Variants in SLC25A26 observed in about 807,000 individuals in gnomAD.
The protein encoded by SLC25A26 is mitochondrial S-adenosylmethionine carrier protein.
Under a neutral mutation model 37.8 loss-of-function variants are expected in SLC25A26, and 36 were observed. The observed-to-expected ratio is 0.95, with a 90% CI of 0.73 to 1.26. SLC25A26 has a LOEUF of 1.26. SLC25A26 is among the 50% of genes most tolerant of loss of function. The pLI, the probability that SLC25A26 is intolerant of heterozygous loss-of-function variation, is 0.00. For synonymous variants in SLC25A26, 129 were observed against 122.5 expected, an observed-to-expected ratio of 1.05 and a Z score of -0.35; for missense variants, 390 against 331.1, an observed-to-expected ratio of 1.18 and a Z score of -1.38.
At chr3:66,276,885 C>T (rs776406742) in intron 5 of SLC25A26, among the ~76,000 whole-genome samples, 12 of 144,508 alleles carry the variant, frequency 8.3e-5, no homozygotes, top group Non-Finnish European at 1.6e-4. Flanking sequence ...AGAGGGCGCA[C>T]AATGCCTGTA....
chr3:66,294,533 T>C (rs943117346), intron 5 of SLC25A26, among the ~76,000 whole-genome samples: 5 of 152,218 alleles, frequency 3.3e-5, no homozygotes, highest in African/African-American at 1.2e-4. Context: ...AATCATGTAG[T>C]ATTTGTTTAT....
chr3:66,350,300 C>T (rs1471031475), intron 6 of SLC25A26, among the ~76,000 whole-genome samples: 1 of 152,202 alleles, frequency 6.6e-6, no homozygotes, highest in African/African-American at 2.4e-5. Flanking sequence ...CATCATCTTT[C>T]TTGTAAAATC....
intron 5 of SLC25A26, 28 bp from the exon 6 acceptor site, chr3:66,346,336 T>G: frequency 1.5e-6 from 2 of 1,374,138 alleles, no homozygotes; most frequent in South Asian, 1.4e-5. Flanking sequence ...TTTGCCTAAT[T>G]TATTTAATTT....
At chr3:66,277,392 T>A (rs1397691501) in intron 5 of SLC25A26, among the ~76,000 whole-genome samples, 1 of 151,902 alleles carries the variant, frequency 6.6e-6, no homozygotes, top group Non-Finnish European at 1.5e-5. Flanking sequence ...GAAAGTAAAA[T>A]TCATAGAAGC....
rs115886071 is a variant in SLC25A26, at chr3:66,356,785, G to A, written c.499-6075G>A. Among the ~76,000 whole-genome samples, 745 of 152,150 alleles carry A rather than the reference G, an allele frequency of 4.9e-3. 10 individuals are homozygous for A. Among genetic ancestry groups the A allele is most frequent in the African/African-American group, 0.017 (697 of 41,490 alleles). On this transcript the variant is annotated intron_variant, in intron 6 of 9. Transcript: ENST00000354883. ...CTGGGACTCAGGGGTGTGCCAACAC[G>A]TCTGGCTAATTTTTAAATTTTTTTG...
At chr3:66,254,978 T>TG (rs2073243904) in intron 3 of SLC25A26, among the ~76,000 whole-genome samples, 1 of 152,152 alleles carries the variant, frequency 6.6e-6, no homozygotes, top group South Asian at 2.1e-4. Flanking sequence ...ACCCTGGTGG[T>TG]GATGTGTTGA....
intron 1 of SLC25A26, among the ~76,000 whole-genome samples, chr3:66,193,702 T>C: frequency 6.6e-6 from 1 of 152,258 alleles, no homozygotes; most frequent in Non-Finnish European, 1.5e-5. Flanking sequence ...AAAGAACTTT[T>C]AGATGCTTTG....
chr3:66,256,093 C>T (rs73833430), intron 3 of SLC25A26, among the ~76,000 whole-genome samples: 60 of 152,306 alleles, frequency 3.9e-4, no homozygotes, highest in African/African-American at 1.2e-3. Flanking sequence ...ATATTGGGGT[C>T]GGATTTCACT....
chr3:66,245,104 CTT>C (rs1378617826), intron 3 of SLC25A26, among the ~76,000 whole-genome samples: 1 of 151,932 alleles, frequency 6.6e-6, no homozygotes, highest in Non-Finnish European at 1.5e-5. Context: ...ATGGGGGTCT[CTT>C]TATGTTTTCC....
In SLC25A26 at chr3:66,209,040, G is replaced by GTATA. The variant is rs1172568131; in HGVS notation, c.-353-11679_-353-11676dup. On this transcript the variant is annotated intron_variant, in intron 1 of 10. Coordinates refer to the SLC25A26 transcript ENST00000676754. ...TATATATACACACCCATATAAAGGT[G>GTATA]TATATATATATATATATATATATAT... Among the ~76,000 whole-genome samples the GTATA allele has an allele frequency of 9.4e-3, 313 of 33,472 alleles. 7 individuals are homozygous for GTATA. Among genetic ancestry groups the GTATA allele is most frequent in the African/African-American group, 0.027 (288 of 10,844 alleles). 22.0% of individuals were successfully genotyped at this position (33,472 alleles called of 152,430 possible).
intron 3 of SLC25A26, chr3:66,261,508 A>C (rs1466440176): frequency 6.5e-6 from 1 of 152,842 alleles, no homozygotes; most frequent in Admixed American, 6.5e-5. Flanking sequence ...GGATGACTCA[A>C]GTCTGCTGGA....
At chr3:66,356,580 T>G (rs1393712475) in intron 6 of SLC25A26, among the ~76,000 whole-genome samples, 1 of 152,196 alleles carries the variant, frequency 6.6e-6, no homozygotes, top group Non-Finnish European at 1.5e-5. Flanking sequence ...CTCAGTCTTG[T>G]GCTTTGATCA....
At chr3:66,314,313 G>GAC (rs2075469070) in intron 5 of SLC25A26, among the ~76,000 whole-genome samples, 1 of 151,994 alleles carries the variant, frequency 6.6e-6, no homozygotes, top group African/African-American at 2.4e-5. Context: ...AGTTTATTGA[G>GAC]ACATAACATG....
Position 66,236,576 on chromosome 3 carries a change from G to A in SLC25A26, c.66G>A (p.Leu22=), listed in dbSNP as rs2072299556. The A allele has an allele frequency of 6.8e-7, 1 of 1,469,906 alleles. No individual in the cohort carries two copies. Among genetic ancestry groups the A allele is most frequent in the South Asian group, 1.4e-5 (1 of 73,618 alleles). The allele number at this position is 1,469,906 out of a possible 1,614,324, so 91.1% of individuals were successfully genotyped here. The change falls in exon 2 of 10, where the codon TTG becomes TTA. Residue 22 remains leucine (L), a synonymous_variant. Transcript: ENST00000354883. ...GGGTAGCAGGTGTTTCTGTTGACTT[G>A]ATATTATTTCCTCTGGATACCATTA... is the stretch of plus-strand genomic sequence containing the variant. The part of the protein sequence containing the change: ...AGGVAGVSVD[L]ILFPLDTIKT...
intron 4 of SLC25A26, 34 bp downstream of exon 4, chr3:66,262,189 A>G (rs775057613): frequency 8.4e-7 from 1 of 1,184,308 alleles, no homozygotes; most frequent in Non-Finnish European, 1.2e-6. Context: ...TCTTTTCTTT[A>G]TTAAGATTTT....
intron 5 of SLC25A26, among the ~76,000 whole-genome samples, chr3:66,276,374 C>T (rs537283941): frequency 3.3e-5 from 5 of 152,142 alleles, no homozygotes; most frequent in Non-Finnish European, 4.4e-5. Flanking sequence ...GATAAATTCA[C>T]TGATAGAATT....
intron 6 of SLC25A26, among the ~76,000 whole-genome samples, chr3:66,348,168 C>T (rs1051196284): frequency 2.0e-5 from 3 of 152,168 alleles, no homozygotes; most frequent in Admixed American, 1.3e-4. Flanking sequence ...TTTTAAAAAG[C>T]CTACATTCAA....
At chr3:66,142,777 TTTTTGAGACAGG>T (rs1469118530) in intron 1 of SLC25A26, among the ~76,000 whole-genome samples, 2 of 152,162 alleles carry the variant, frequency 1.3e-5, no homozygotes, top group Non-Finnish European at 2.9e-5. Context: ...TTTTTCTCTT[TTTTTGAGACAGG>T]GTCTGCCTCT....
intron 3 of SLC25A26, among the ~76,000 whole-genome samples, chr3:66,261,165 A>T (rs1269331927): frequency 6.6e-6 from 1 of 152,200 alleles, no homozygotes; most frequent in East Asian, 1.9e-4. Flanking sequence ...ACATATGTGA[A>T]ATCTAAGTTG....
Sources: gnomAD v4.1 joint callset for allele counts (sites outside exome capture counted in the v4.1 genomes callset) on GRCh38, gnomAD v4.1.1 for gene constraint, MANE v1.5 for transcripts, NCBI Gene and HGNC (gene_info 2026-07-23, HGNC 2026-07-21) for gene names.